The following UBTD2 variants were observed in gnomAD, a reference collection of about 807,000 sequenced individuals.
The protein encoded by UBTD2 is ubiquitin domain-containing protein 2.
UBTD2 carries 9 observed loss-of-function variants against 19.8 expected under a neutral mutation model. That is an observed-to-expected ratio of 0.46 (90% CI 0.27 to 0.79). The LOEUF (loss-of-function observed/expected upper bound fraction) is 0.79. UBTD2 is among the 30% of genes least tolerant of loss of function. The probability of loss-of-function intolerance (pLI) is 0.14; values close to 1 mark genes in which losing one functional copy is unlikely to be tolerated. For synonymous variants in UBTD2, 98 were observed against 103.9 expected (o/e 0.94, Z 0.35); for missense variants, 250 against 300.4 (o/e 0.83, Z 1.24).
At chr5:172,237,565 T>C (rs1256484176) in intron 1 of UBTD2, among the ~76,000 whole-genome samples, 2 of 152,262 alleles carry the variant, frequency 1.3e-5, no homozygotes, top group African/African-American at 4.8e-5. Context: ...ATAATTACTT[T>C]AGTGAAACCA....
At position 172,234,244 on chromosome 5, in the gene UBTD2, G is replaced by C. The variant is rs1771964524; in HGVS notation, c.185C>G (p.Pro62Arg). Residue 62 changes from proline (P) to arginine (R), a missense_variant, in exon 2 of 3, where the codon CCA (proline) becomes CGA (arginine). Pro to Arg is a moderately radical substitution (Grantham distance 103). Transcript: ENST00000393792. ...AATCTCTTTCCGGCCTTCAAAAGCT[G>C]GTGCTGTATCCCAAAATTCATCCCT... is the stretch of plus-strand genomic sequence containing the variant. ...SKRDEFWDTAPAFEGRKEIWD... is the reference protein window; with the variant it reads ...SKRDEFWDTARAFEGRKEIWD... The C allele has an allele frequency of 6.2e-7, 1 of 1,614,140 alleles. No individual in the cohort carries two copies. The highest frequency in any genetic ancestry group is 8.5e-7 in the Non-Finnish European group (1 of 1,180,022).
chr5:172,245,711 C>CAAAAAAAAA (rs201413159), intron 1 of UBTD2, among the ~76,000 whole-genome samples: 1 of 132,220 alleles, frequency 7.6e-6, no homozygotes, highest in African/African-American at 2.8e-5. Flanking sequence ...GACACTGACT[C>CAAAAAAAAA]AAAAAAAAAA....
At chr5:172,246,040 A>T (rs978781449) in intron 1 of UBTD2, among the ~76,000 whole-genome samples, 23 of 152,354 alleles carry the variant, frequency 1.5e-4, no homozygotes, top group African/African-American at 5.0e-4. Context: ...GGAAAAGACA[A>T]TCAGCAAATG....
rs1755755965 is a variant in UBTD2 at position 172,283,235 on chromosome 5, C to T, written c.70+361G>A. On this transcript the variant is annotated intron_variant, in intron 1 of 2. Coordinates refer to ENST00000393792, the MANE Select transcript of UBTD2 (RefSeq NM_152277.3). This position sits in a 1 kb window ranked among gnomAD's most constrained non-coding sequence, Gnocchi z 4.3. Reference sequence around the variant, plus strand: ...GCATCAAGCTCCCTCCCCCCGCCATCAATTCGCTTTTCTGCAACCCCGGCG... The same window carrying T: ...GCATCAAGCTCCCTCCCCCCGCCATTAATTCGCTTTTCTGCAACCCCGGCG... Among the ~76,000 whole-genome samples the T allele has an allele frequency of 6.6e-6, 1 of 152,204 alleles. No individual in the cohort carries two copies. The highest frequency in any genetic ancestry group is 2.4e-5 in the African/African-American group (1 of 41,460).
At chr5:172,241,267 G>A (rs1234695292) in intron 1 of UBTD2, among the ~76,000 whole-genome samples, 1 of 151,960 alleles carries the variant, frequency 6.6e-6, no homozygotes, top group Non-Finnish European at 1.5e-5. Flanking sequence ...TACAAAATTA[G>A]CCAGGCGCAG....
intron 2 of UBTD2, among the ~76,000 whole-genome samples, chr5:172,229,467 C>G (rs964276865): frequency 3.2e-5 from 4 of 124,892 alleles, no homozygotes; most frequent in South Asian, 2.6e-4. Flanking sequence ...TGCCACTGCA[C>G]TCCAGCCTGG....
chr5:172,222,410 T>G (rs1212711222), intron 2 of UBTD2, among the ~76,000 whole-genome samples: 1 of 152,196 alleles, frequency 6.6e-6, no homozygotes, highest in African/African-American at 2.4e-5. Flanking sequence ...TTGAAGTGAG[T>G]AGGGCATGTC....
intron 2 of UBTD2, among the ~76,000 whole-genome samples, chr5:172,212,948 G>A (rs1202159952): frequency 3.3e-5 from 5 of 150,516 alleles, no homozygotes; most frequent in African/African-American, 1.2e-4. Context: ...TTACAGGCAT[G>A]AGCCACCGTG....
In UBTD2 at chr5:172,215,790, A is replaced by T. The variant is rs189165998; in HGVS notation, c.308-3563T>A. Among the ~76,000 whole-genome samples, 220 of 152,370 alleles carry T rather than the reference A, an allele frequency of 1.4e-3. 2 individuals carry two copies. In the Middle Eastern group the frequency reaches 0.031, roughly 21 times the overall value. On this transcript the variant is annotated intron_variant, in intron 2 of 2. Coordinates refer to ENST00000393792, the MANE Select transcript of UBTD2 (RefSeq NM_152277.3). Reference sequence around the variant, plus strand: ...TGCTAGAGAACAAAACCACTGTAACAGAAATAAAGAACGCCTTTGATGGGC... The same window carrying T: ...TGCTAGAGAACAAAACCACTGTAACTGAAATAAAGAACGCCTTTGATGGGC...
chr5:172,224,351 G>A (rs1370338080), intron 2 of UBTD2, among the ~76,000 whole-genome samples: 1 of 147,148 alleles, frequency 6.8e-6, no homozygotes, highest in Non-Finnish European at 1.5e-5. Flanking sequence ...CCAGGCTGGA[G>A]TGAGGTGGCA....
rs144544773 is a variant in UBTD2 at position 172,262,963 on chromosome 5, G to C, written c.70+20633C>G. ...TTTGTTGTTTTATTTTTTGAGACAG[G>C]GTCTTGCTCTGTCACCTAGAGTGGA... On this transcript the variant is annotated intron_variant, in intron 1 of 2. Coordinates refer to ENST00000393792, the MANE Select transcript of UBTD2 (RefSeq NM_152277.3). Among the ~76,000 whole-genome samples, 814 of 152,130 alleles carry C rather than the reference G, an allele frequency of 5.4e-3. 9 individuals are homozygous for C. The highest frequency in any genetic ancestry group is 0.018 in the African/African-American group (762 of 41,504).
chr5:172,271,686 A>C (rs557869776), intron 1 of UBTD2, among the ~76,000 whole-genome samples: 2 of 152,286 alleles, frequency 1.3e-5, no homozygotes, highest in East Asian at 3.9e-4. Flanking sequence ...GCTATTTTTT[A>C]AAGTTTCAGG....
chr5:172,230,575 T>C (rs1034886287), intron 2 of UBTD2, among the ~76,000 whole-genome samples: 11 of 152,172 alleles, frequency 7.2e-5, no homozygotes, highest in Admixed American at 2.0e-4. Context: ...TATGAGAGAA[T>C]TGAAGCTTAC....
At chr5:172,278,412 G>T (rs183239101) in intron 1 of UBTD2, among the ~76,000 whole-genome samples, 2 of 151,986 alleles carry the variant, frequency 1.3e-5, no homozygotes, top group Admixed American at 6.6e-5. Context: ...CCAGCTACTC[G>T]GAGGGCTGAG....
At chr5:172,266,883 T>C (rs1270907033) in intron 1 of UBTD2, among the ~76,000 whole-genome samples, 2 of 151,728 alleles carry the variant, frequency 1.3e-5, no homozygotes, top group Non-Finnish European at 2.9e-5. Context: ...ACAAAAAAAA[T>C]TTAGAGATCA....
intron 1 of UBTD2, among the ~76,000 whole-genome samples, chr5:172,247,494 A>C (rs1754903905): frequency 6.6e-6 from 1 of 152,164 alleles, no homozygotes; most frequent in African/African-American, 2.4e-5. Context: ...CCTGAGCAAC[A>C]CTTTCTCAAA....
chr5:172,214,279 ATATAAAGCACCTGAAATGAGTC>A (rs1279911583), intron 2 of UBTD2, among the ~76,000 whole-genome samples: 1 of 152,328 alleles, frequency 6.6e-6, no homozygotes, highest in Admixed American at 6.5e-5. Context: ...TAGGATGAAA[ATATAAAGCACCTGAAATGAGTC>A]TGGAATGGTC....
chr5:172,271,588 T>C (rs796210339), intron 1 of UBTD2, among the ~76,000 whole-genome samples: 2 of 152,180 alleles, frequency 1.3e-5, no homozygotes, highest in African/African-American at 2.4e-5. Context: ...ATTCCTCCAG[T>C]AGGCCATAAG....
intron 2 of UBTD2, among the ~76,000 whole-genome samples, chr5:172,224,295 TTTC>T (rs1561850990): frequency 8.5e-6 from 1 of 118,168 alleles, no homozygotes; most frequent in South Asian, 3.1e-4. Context: ...ATGTTTTTCA[TTTC>T]TTTTTTTTTT....
Sources: gnomAD v4.1 joint callset for allele counts (sites outside exome capture counted in the v4.1 genomes callset) on GRCh38, gnomAD v4.1.1 for gene constraint, Gnocchi (gnomAD v3.1) non-coding constraint, MANE v1.5 for transcripts, NCBI Gene and HGNC (gene_info 2026-07-23, HGNC 2026-07-21) for gene names.